Variants in TEAD4 observed in about 807,000 individuals in gnomAD.
TEAD4 encodes transcriptional enhancer factor TEF-3.
TEAD4 carries 36 observed loss-of-function variants against 52.4 expected under a neutral mutation model. The ratio of observed to expected loss-of-function variants is 0.69; its 90% CI spans 0.53 to 0.91. The LOEUF is 0.91. TEAD4 is among the 40% of genes least tolerant of loss of function. TEAD4 has a pLI of 0.00. For synonymous variants in TEAD4, 220 were observed against 231.0 expected (o/e 0.95, Z 0.43); for missense variants, 508 against 583.9 (o/e 0.87, Z 1.34).
chr12:3,012,033 A>C (rs560345155), intron 4 of TEAD4, 137 bp from the exon 5 acceptor site: 175 of 813,280 alleles, frequency 2.2e-4, no homozygotes, highest in South Asian at 8.1e-4. Flanking sequence ...AGGGCCCACC[A>C]GTTGACCCTT....
chr12:2,968,286 A>G (rs2098222138), intron 2 of TEAD4, among the ~76,000 whole-genome samples: 1 of 147,452 alleles, frequency 6.8e-6, no homozygotes, highest in Admixed American at 6.9e-5. Flanking sequence ...GGGTTTTTCC[A>G]TGTTGGCCAG....
chr12:3,032,101 A>G (rs373246149), intron 10 of TEAD4, among the ~76,000 whole-genome samples: 76 of 152,304 alleles, frequency 5.0e-4, no homozygotes, highest in Middle Eastern at 3.4e-3. Flanking sequence ...CCTTCCAGAA[A>G]ATAGGGCAGT....
At chr12:3,011,372 A>G (rs868678700) in intron 4 of TEAD4, among the ~76,000 whole-genome samples, 11 of 152,050 alleles carry the variant, frequency 7.2e-5, no homozygotes, top group Middle Eastern at 3.4e-3. Context: ...CTGGGGTTAT[A>G]GTCACCCGCC....
intron 2 of TEAD4, among the ~76,000 whole-genome samples, chr12:2,963,698 A>T (rs1187049377): frequency 6.6e-6 from 1 of 152,136 alleles, no homozygotes. Flanking sequence ...TTCTAATCAC[A>T]CCTGTGTGAT....
At chr12:3,007,269 G>A (rs570460649) in intron 3 of TEAD4, among the ~76,000 whole-genome samples, 1 of 152,340 alleles carries the variant, frequency 6.6e-6, no homozygotes, top group Admixed American at 6.5e-5. Flanking sequence ...CCTCCCTACT[G>A]CTTCTCACCA....
At chr12:2,969,460 C>A (rs536182707) in intron 2 of TEAD4, among the ~76,000 whole-genome samples, 103 of 152,304 alleles carry the variant, frequency 6.8e-4, no homozygotes, top group South Asian at 1.4e-3. Context: ...CATAGAGTTT[C>A]ATTATGTAGA....
At chr12:3,031,536 T>A (rs1186456877) in intron 10 of TEAD4, among the ~76,000 whole-genome samples, 2 of 152,170 alleles carry the variant, frequency 1.3e-5, no homozygotes, top group Non-Finnish European at 2.9e-5. Context: ...TAGGGGAAAC[T>A]GAGGCATGGA....
At chr12:3,017,197 CA>C (rs1175524005) in intron 5 of TEAD4, 200 bp from the exon 6 acceptor site, 1 of 689,386 alleles carries the variant, frequency 1.5e-6, no homozygotes, top group Non-Finnish European at 2.6e-6. Context: ...GCCCCTTTGA[CA>C]GATGAGAAAA....
intron 5 of TEAD4, chr12:3,016,958 A>C (rs1270836726): frequency 7.6e-6 from 3 of 394,618 alleles, no homozygotes; most frequent in Admixed American, 5.7e-5. Flanking sequence ...AGGAGGGGCC[A>C]CAGGAGGTGG....
At chr12:3,027,273 C>A (rs190734513) in intron 10 of TEAD4, among the ~76,000 whole-genome samples, 1 of 152,276 alleles carries the variant, frequency 6.6e-6, no homozygotes, top group Admixed American at 6.5e-5. Context: ...GCCTCCTGCT[C>A]CTTTCTTTGT....
intron 10 of TEAD4, among the ~76,000 whole-genome samples, chr12:3,024,232 G>A (rs930403006): frequency 2.0e-5 from 3 of 151,812 alleles, no homozygotes; most frequent in African/African-American, 4.8e-5. Flanking sequence ...CCGCCACCAC[G>A]CCTGGCTAAT....
At chr12:3,013,056 A>G (rs1034261641) in intron 5 of TEAD4, among the ~76,000 whole-genome samples, 1 of 152,120 alleles carries the variant, frequency 6.6e-6, no homozygotes, top group Admixed American at 6.6e-5. Context: ...AGCTCCAATC[A>G]CACTCCCACC....
intron 2 of TEAD4, among the ~76,000 whole-genome samples, chr12:2,962,421 T>C (rs1160108387): frequency 3.4e-5 from 5 of 144,980 alleles, no homozygotes; most frequent in South Asian, 2.2e-4. Context: ...CCACAACCTC[T>C]GCCTCCCGGG....
intron 2 of TEAD4, among the ~76,000 whole-genome samples, chr12:2,991,995 G>A (rs1022818471): frequency 6.9e-6 from 1 of 145,874 alleles, no homozygotes; most frequent in African/African-American, 2.6e-5. Context: ...CTGTGGTGGG[G>A]GTTGGGGGGG....
intron 2 of TEAD4, among the ~76,000 whole-genome samples, chr12:2,985,736 C>T (rs1023985689): frequency 2.0e-5 from 3 of 152,098 alleles, no homozygotes; most frequent in African/African-American, 7.2e-5. Context: ...GAGCTCCTGA[C>T]CTCGTGATCC....
chr12:3,006,871 C>G (rs2098256336), intron 3 of TEAD4, among the ~76,000 whole-genome samples: 1 of 150,950 alleles, frequency 6.6e-6, no homozygotes, highest in Admixed American at 6.6e-5. Flanking sequence ...CTAAAAATAA[C>G]AAAAATTAGC....
At chr12:2,973,208 A>G (rs573710294) in intron 2 of TEAD4, among the ~76,000 whole-genome samples, 3 of 152,080 alleles carry the variant, frequency 2.0e-5, no homozygotes, top group Admixed American at 6.5e-5. Flanking sequence ...AGTAGTGGAG[A>G]CCACAGGCAC....
At chr12:2,996,774 G>A (rs1228340450) in intron 3 of TEAD4, among the ~76,000 whole-genome samples, 1 of 152,060 alleles carries the variant, frequency 6.6e-6, no homozygotes, top group African/African-American at 2.4e-5. Context: ...GGAGTGCAGT[G>A]GAGCAATCTC....
chr12:3,008,101 G>A (rs554012175), intron 3 of TEAD4, among the ~76,000 whole-genome samples: 1 of 152,272 alleles, frequency 6.6e-6, no homozygotes, highest in Non-Finnish European at 1.5e-5. Flanking sequence ...GTTCTGACGG[G>A]GGTGAGGGCA....
Sources: allele counts gnomAD v4.1 joint callset (sites outside exome capture counted in the v4.1 genomes callset), GRCh38; gene constraint gnomAD v4.1.1; transcripts MANE v1.5; gene names NCBI Gene and HGNC (gene_info 2026-07-23, HGNC 2026-07-21).